Variants in SAMD12 observed in about 807,000 individuals in gnomAD.
The protein encoded by SAMD12 is sterile alpha motif domain containing 12.
In SAMD12, 9 loss-of-function variants were observed where a neutral mutation model predicts 15.0. That is an observed-to-expected ratio of 0.60 (90% confidence interval 0.36 to 1.05). The LOEUF is 1.05. Ranked by LOEUF, SAMD12 falls within the 50% of genes least tolerant of loss-of-function variation. The pLI is 0.01. For missense variants in SAMD12, 230 were observed against 234.2 expected, an observed-to-expected ratio of 0.98 and a Z score of 0.12; for synonymous variants, 86 against 90.1, an observed-to-expected ratio of 0.96 and a Z score of 0.25.
intron 4 of SAMD12, among the ~76,000 whole-genome samples, chr8:118,312,654 G>T (rs1586498067): frequency 6.6e-6 from 1 of 152,278 alleles, no homozygotes; most frequent in African/African-American, 2.4e-5. Flanking sequence ...CTTGTAGAGT[G>T]AATATCCATG....
intron 4 of SAMD12, among the ~76,000 whole-genome samples, chr8:118,324,516 C>T (rs1246513333): frequency 6.6e-6 from 1 of 152,136 alleles, no homozygotes; most frequent in African/African-American, 2.4e-5. Flanking sequence ...GTACCCACTA[C>T]ATCTCAAACA....
chr8:118,407,088 T>TA lies in SAMD12; in HGVS notation c.323-27389dup, dbSNP rs956315203. 1.6e-4 allele frequency among the ~76,000 whole-genome samples: 24 copies of TA among 151,460 alleles called. No individual in the cohort carries two copies. The South Asian group carries it at 3.8e-3, about 24-fold the overall frequency. On this transcript the variant is annotated intron_variant, in intron 3 of 3. Coordinates refer to ENST00000314727, the MANE Select transcript of SAMD12 (RefSeq NM_207506.3). ...ACTTGTTCCCCCAAAACTATTGAAA[T>TA]AAAAAAAAACTATTAAGTAACAACA...
At chr8:118,601,051 C>T (rs1827852560) in intron 1 of SAMD12, among the ~76,000 whole-genome samples, 1 of 152,100 alleles carries the variant, frequency 6.6e-6, no homozygotes, top group Non-Finnish European at 1.5e-5. Context: ...AGCAAAATGC[C>T]TTGACTGCTA....
At chr8:118,292,697 T>C (rs914992093) in intron 4 of SAMD12, among the ~76,000 whole-genome samples, 10 of 151,954 alleles carry the variant, frequency 6.6e-5, no homozygotes, top group South Asian at 4.2e-4. Context: ...GTGGCACATA[T>C]ACACCACGGA....
At chr8:118,200,403 C>CAA (rs35465667) in intron 4 of SAMD12, among the ~76,000 whole-genome samples, 22,148 of 113,890 alleles carry the variant, frequency 0.19, 2,000 homozygotes, top group African/African-American at 0.22. Flanking sequence ...ATTAGAGTAC[C>CAA]AAAAAAAAAA....
chr8:118,604,936 A>C (rs771941324), intron 1 of SAMD12, among the ~76,000 whole-genome samples: 3 of 152,130 alleles, frequency 2.0e-5, no homozygotes, highest in Non-Finnish European at 4.4e-5. Flanking sequence ...AAATAAAAAA[A>C]ATAAAAATAA....
chr8:118,481,379 G>A (rs970984036), intron 2 of SAMD12, among the ~76,000 whole-genome samples: 45 of 152,184 alleles, frequency 3.0e-4, no homozygotes, highest in African/African-American at 9.4e-4. Context: ...TGTTCTCAGC[G>A]TGTAGTAGGA....
rs1819503939 is a variant in SAMD12, at chr8:118,378,579, A to G, written c.*838T>C. On this transcript the variant is annotated 3_prime_UTR_variant, in exon 4 of 4. Transcript: ENST00000314727. ...CTATTACTAGGTTAATCTAAATGCAATAACATGAAACTTGGCTGACCCAGA... is the reference window on the plus strand; with the variant it reads ...CTATTACTAGGTTAATCTAAATGCAGTAACATGAAACTTGGCTGACCCAGA... 6 of 985,218 alleles carry G rather than the reference A, an allele frequency of 6.1e-6. No individual in the cohort carries two copies. In the South Asian group the frequency reaches 1.9e-4, roughly 31 times the overall value. The allele number at this position is 985,218 out of a possible 1,614,324, so 61.0% of individuals were successfully genotyped here. A position where few individuals can be genotyped will look rare whatever the true frequency, so the allele number is the denominator to read the frequency against.
intron 4 of SAMD12, among the ~76,000 whole-genome samples, chr8:118,369,960 T>C (rs2130674811): frequency 6.6e-6 from 1 of 152,184 alleles, no homozygotes. Context: ...AAATAAACTA[T>C]CATCAGAGTG....
chr8:118,485,658 A>C (rs1490703179), intron 2 of SAMD12, among the ~76,000 whole-genome samples: 1 of 152,248 alleles, frequency 6.6e-6, no homozygotes, highest in African/African-American at 2.4e-5. Flanking sequence ...CAGTTCTAGC[A>C]GCCGAAATCC....
chr8:118,194,008 G>T (rs372967803), exon 5 of SAMD12: 22 of 152,278 alleles, frequency 1.4e-4, no homozygotes, highest in African/African-American at 5.3e-4. Flanking sequence ...TTTGGTGAAA[G>T]TAAAGTGCTA....
intron 1 of SAMD12, among the ~76,000 whole-genome samples, chr8:118,585,266 T>C (rs183798628): frequency 2.0e-5 from 3 of 152,228 alleles, no homozygotes; most frequent in East Asian, 1.9e-4. Flanking sequence ...AATAGAACAA[T>C]GGCTACACAT....
rs1036226259 is a variant in SAMD12 at position 118,557,312 on chromosome 8, G to A, written c.192+23403C>T. ...TGCCTCTTCCCCGCCTATCATGACT[G>A]TAAGTTTCCTAAGGCCTTCACAGCC... On this transcript the variant is annotated intron_variant, in intron 2 of 3. Transcript: ENST00000314727. Among the ~76,000 whole-genome samples the A allele has an allele frequency of 6.6e-5, 10 of 152,266 alleles. No homozygotes were observed. The East Asian group carries it at 9.7e-4, about 15-fold the overall frequency.
intron 2 of SAMD12, among the ~76,000 whole-genome samples, chr8:118,457,207 A>G (rs1207790238): frequency 7.0e-6 from 1 of 143,168 alleles, no homozygotes; most frequent in African/African-American, 2.5e-5. Context: ...ACTGCTACTA[A>G]CTCTCTCTCT....
At chr8:118,590,358 G>A (rs889849538) in intron 1 of SAMD12, among the ~76,000 whole-genome samples, 3 of 152,218 alleles carry the variant, frequency 2.0e-5, no homozygotes, top group Non-Finnish European at 4.4e-5. Flanking sequence ...CAAGTAGGGA[G>A]TCCAGGTTTC....
At chr8:118,244,373 C>T (rs1812640154) in intron 4 of SAMD12, among the ~76,000 whole-genome samples, 1 of 152,086 alleles carries the variant, frequency 6.6e-6, no homozygotes, top group Admixed American at 6.6e-5. Flanking sequence ...TGGCTAAAGA[C>T]CATTGTCTCT....
chr8:118,462,722 G>A (rs1823461370), intron 2 of SAMD12, among the ~76,000 whole-genome samples: 1 of 152,160 alleles, frequency 6.6e-6, no homozygotes, highest in African/African-American at 2.4e-5. Context: ...CCAAAGCACA[G>A]AGGCCAAGGA....
At chr8:118,421,566 G>A (rs1219549874) in intron 3 of SAMD12, among the ~76,000 whole-genome samples, 1 of 152,182 alleles carries the variant, frequency 6.6e-6, no homozygotes, top group African/African-American at 2.4e-5. Flanking sequence ...TTGGGTGTAT[G>A]AAACAAAACA....
the SAMD12 span, among the ~76,000 whole-genome samples, chr8:118,170,292 C>T: frequency 0.029 from 4,387 of 152,044 alleles, 207 homozygotes; most frequent in African/African-American, 0.096. Flanking sequence ...TTATTATTAC[C>T]GTAGATATAT....
Sources: gnomAD v4.1 joint callset for allele counts (sites outside exome capture counted in the v4.1 genomes callset) on GRCh38, gnomAD v4.1.1 for gene constraint, MANE v1.5 for transcripts, NCBI Gene and HGNC (gene_info 2026-07-23, HGNC 2026-07-21) for gene names.